ZNF628: variants seen among roughly 807,000 people sequenced by gnomAD.
The protein encoded by ZNF628 is zinc finger protein Zec.
ZNF628 carries 3 observed loss-of-function variants against 2.5 expected under a neutral mutation model. That is an observed-to-expected ratio of 1.19 (90% CI 0.54 to 3.07). ZNF628 has a LOEUF of 3.07. Among genes scored for constraint, ZNF628 ranks in the 30% most tolerant of loss-of-function variants. The pLI is 0.03. For synonymous variants in ZNF628, 861 were observed against 717.1 expected (o/e 1.20, Z -3.21); for missense variants, 1,610 against 1,517.1 (o/e 1.06, Z -1.02).
rs1986811791 is a variant in ZNF628, at chr19:55,483,542, G to A, written c.2349G>A (p.Gly783=). Reference sequence around the variant, plus strand: ...GGCTGCCAGGCCCTGGGGGTCTAGGGGTGCAGGGAGCGGCCAGCGCTGGGG... The same window carrying A: ...GGCTGCCAGGCCCTGGGGGTCTAGGAGTGCAGGGAGCGGCCAGCGCTGGGG... ...VVWLPGPGGL[G]VQGAASAGAS... The change falls in exon 3 of 3, where the codon GGG becomes GGA. Residue 783 remains glycine, a synonymous_variant. Transcript: ENST00000598519. 2 of 1,583,030 alleles carry A rather than the reference G, an allele frequency of 1.3e-6. No individual in the cohort carries two copies. The highest frequency in any genetic ancestry group is 2.7e-5 in the African/African-American group (2 of 74,680).
intron 2 of ZNF628, among the ~76,000 whole-genome samples, 199 bp downstream of exon 2, chr19:55,480,116 C>T (rs545582693): frequency 2.6e-5 from 4 of 151,956 alleles, no homozygotes; most frequent in African/African-American, 4.8e-5. Context: ...GGTGAAAGGG[C>T]GCGCTGGATG....
chr19:55,482,437 G>A lies in ZNF628; in HGVS notation c.1244G>A (p.Gly415Glu). 7.4e-7 allele frequency: 1 copy of A among 1,352,008 alleles called. No individual in the cohort carries two copies. The highest frequency in any genetic ancestry group is 9.5e-7 in the Non-Finnish European group (1 of 1,056,588). The allele number at this position is 1,352,008 out of a possible 1,614,324, so 83.8% of individuals were successfully genotyped here. A position where few individuals can be genotyped will look rare whatever the true frequency, so the allele number is the denominator to read the frequency against. ...QQCHVEEAAA[G>E]RPPPQAEAAE... ...TGCCACGTGGAAGAGGCCGCGGCCG[G>A]GCGCCCGCCCCCGCAGGCTGAGGCT... The change falls in exon 3 of 3, where the codon GGG becomes GAG. Residue 415 changes from glycine to glutamate, a missense_variant. By Grantham distance (98) the Gly-to-Glu change is moderately conservative. This residue lies in a region of ZNF628 where 651 missense variants were observed against 575.6 expected (regional missense o/e 1.13). Coordinates refer to ENST00000598519, the MANE Select transcript of ZNF628 (RefSeq NM_033113.3).
Position 55,479,548 on chromosome 19 carries a change from G to A in ZNF628, c.-77-286G>A, listed in dbSNP as rs1986648649. ...ACGGGCACTGGGTCAGGCCTGTGGG[G>A]AAGGATTGCGCAGGGTTTCTGGACC... On this transcript the variant is annotated intron_variant, in intron 1 of 2. Transcript: ENST00000598519. The surrounding 1 kb of genome is among the most constrained non-coding windows in gnomAD (Gnocchi z 5.1). Among the ~76,000 whole-genome samples the A allele has an allele frequency of 6.6e-6, 1 of 152,178 alleles. No individual in the cohort carries two copies. Among genetic ancestry groups the A allele is most frequent in the African/African-American group, 2.4e-5 (1 of 41,434 alleles).
chr19:55,482,992 C>G lies in ZNF628; in HGVS notation c.1799C>G (p.Pro600Arg). 1.2e-6 allele frequency: 2 copies of G among 1,611,852 alleles called. No individual in the cohort carries two copies. The highest frequency in any genetic ancestry group is 1.1e-5 in the South Asian group (1 of 91,036). ...CGGCCCTTCCGCTGCCCGCTCTGCC[C>G]CAAGACCTTCACCCACTCCTCCAAC... ...GERPFRCPLC[P>R]KTFTHSSNLL... Residue 600 changes from proline to arginine, a missense_variant, in exon 3 of 3, where the codon CCC (proline) becomes CGC (arginine). Around this residue, in one of 5 missense-constraint regions of ZNF628, gnomAD observed 21 missense variants for 49.8 expected, o/e 0.42. Coordinates refer to ENST00000598519, the MANE Select transcript of ZNF628 (RefSeq NM_033113.3).
rs1223526657 is a variant in ZNF628, at chr19:55,484,415, G to T, written c.*42G>T. 7.1e-7 allele frequency: 1 copy of T among 1,412,324 alleles called. No individual in the cohort carries two copies. Among genetic ancestry groups the T allele is most frequent in the South Asian group, 1.6e-5 (1 of 64,178 alleles). 87.5% of individuals were successfully genotyped at this position (1,412,324 alleles called of 1,614,324 possible). A position where few individuals can be genotyped will look rare whatever the true frequency, so the allele number is the denominator to read the frequency against. ...CCCTCCCGCCCCGCACAGAGACCCC[G>T]ACTCACTGCCAGCCGGGGCGGGGCA... On this transcript the variant is annotated 3_prime_UTR_variant, in exon 3 of 3. Coordinates refer to ENST00000598519, the MANE Select transcript of ZNF628 (RefSeq NM_033113.3).
intron 1 of ZNF628, among the ~76,000 whole-genome samples, chr19:55,477,316 T>C (rs1237117505): frequency 6.6e-6 from 1 of 151,898 alleles, no homozygotes; most frequent in East Asian, 1.9e-4. Context: ...CTGGGGCTTC[T>C]CAAAGGCACG....
rs1184257327 is a variant in ZNF628, at chr19:55,482,465, G to A, written c.1272G>A (p.Ala424=). The A allele has an allele frequency of 4.9e-6, 7 of 1,417,714 alleles. No homozygotes were observed. Among genetic ancestry groups the A allele is most frequent in the Non-Finnish European group, 6.4e-6 (7 of 1,093,196 alleles). The allele number at this position is 1,417,714 out of a possible 1,614,324, so 87.8% of individuals were successfully genotyped here. A position where few individuals can be genotyped will look rare whatever the true frequency, so the allele number is the denominator to read the frequency against. Reference sequence around the variant, plus strand: ...GCCCGCCCCCGCAGGCTGAGGCTGCGGAGGTGACCTGCCCCCAGGAACCGC... The same window carrying A: ...GCCCGCCCCCGCAGGCTGAGGCTGCAGAGGTGACCTGCCCCCAGGAACCGC... ...AGRPPPQAEA[A]EVTCPQEPLA... The change falls in exon 3 of 3, where the codon GCG becomes GCA. Residue 424 remains alanine, a synonymous_variant. Coordinates refer to ENST00000598519, the MANE Select transcript of ZNF628 (RefSeq NM_033113.3).
Position 55,483,748 on chromosome 19 carries a change from C to A in ZNF628, c.2555C>A (p.Thr852Asn). The A allele has an allele frequency of 6.2e-7, 1 of 1,612,848 alleles. No homozygotes were observed. Among genetic ancestry groups the A allele is most frequent in the Non-Finnish European group, 8.5e-7 (1 of 1,179,272 alleles). Reference protein sequence around the residue: ...TVQLQPAQEVTTVQLQPAQEV... With the variant: ...TVQLQPAQEVNTVQLQPAQEV... ...CAGCTCCAGCCAGCACAGGAAGTAA[C>A]CACGGTCCAGCTCCAGCCAGCACAG... The change falls in exon 3 of 3, where the codon ACC (threonine) becomes AAC (asparagine). Residue 852 changes from threonine to asparagine, a missense_variant. Transcript: ENST00000598519.
chr19:55,481,393 C>T lies in ZNF628; in HGVS notation c.200C>T (p.Pro67Leu). ...THTGERPYKC[P>L]DCPKAFKGSS... ...ACAGGCGAGCGGCCCTACAAGTGCC[C>T]AGACTGCCCCAAGGCTTTCAAAGGC... Residue 67 changes from proline to leucine, a missense_variant, in exon 3 of 3, where the codon CCA becomes CTA. Pro to Leu is a moderately conservative substitution (Grantham distance 98). Around this residue, in one of 5 missense-constraint regions of ZNF628, gnomAD observed 166 missense variants for 241.3 expected, o/e 0.69. Coordinates refer to ENST00000598519, the MANE Select transcript of ZNF628 (RefSeq NM_033113.3). 6.2e-7 allele frequency: 1 copy of T among 1,612,576 alleles called. No homozygotes were observed. Among genetic ancestry groups the T allele is most frequent in the Non-Finnish European group, 8.5e-7 (1 of 1,179,560 alleles).
Position 55,484,429 on chromosome 19 carries a change from C to A in ZNF628, c.*56C>A. 7.2e-7 allele frequency: 1 copy of A among 1,386,978 alleles called. No individual in the cohort carries two copies. Among genetic ancestry groups the A allele is most frequent in the Non-Finnish European group, 9.5e-7 (1 of 1,057,386 alleles). 85.9% of individuals were successfully genotyped at this position (1,386,978 alleles called of 1,614,324 possible). A position where few individuals can be genotyped will look rare whatever the true frequency, so the allele number is the denominator to read the frequency against. ...ACAGAGACCCCGACTCACTGCCAGC[C>A]GGGGCGGGGCAGGGTGCCGCAGGCT... is the stretch of plus-strand genomic sequence containing the variant. On this transcript the variant is annotated 3_prime_UTR_variant, in exon 3 of 3. Coordinates refer to ENST00000598519, the MANE Select transcript of ZNF628 (RefSeq NM_033113.3).
chr19:55,480,249 CTTT>C (rs35704154), intron 2 of ZNF628, among the ~76,000 whole-genome samples: 2 of 128,218 alleles, frequency 1.6e-5, no homozygotes. Flanking sequence ...TTTTTTTTTC[CTTT>C]TTTTTTTTTT....
At chr19:55,480,008 G>A in intron 2 of ZNF628, 91 bp downstream of exon 2, 1 of 398,452 alleles carries the variant, frequency 2.5e-6, no homozygotes. Context: ...TGGGCTTGAA[G>A]GGAAAGTGAG....
At position 55,484,087 on chromosome 19, in the gene ZNF628, C is replaced by T; in HGVS notation, c.2894C>T (p.Pro965Leu). 2 of 1,592,710 alleles carry T rather than the reference C, an allele frequency of 1.3e-6. No homozygotes were observed. Among genetic ancestry groups the T allele is most frequent in the Non-Finnish European group, 1.7e-6 (2 of 1,171,208 alleles). The part of the protein sequence containing the change: ...ETLPPGLTEP[P>L]ATGPPGQKLL... ...CTTCCTCCTGGGCTGACGGAGCCGC[C>T]TGCCACCGGCCCACCCGGACAGAAA... Residue 965 changes from proline to leucine, a missense_variant, in exon 3 of 3, where the codon CCT (proline) becomes CTT (leucine). Coordinates refer to ENST00000598519, the MANE Select transcript of ZNF628 (RefSeq NM_033113.3).
chr19:55,483,985 A>C lies in ZNF628; in HGVS notation c.2792A>C (p.Glu931Ala). The change falls in exon 3 of 3, where the codon GAG becomes GCG. Residue 931 changes from glutamate (E) to alanine (A), a missense_variant. Around this residue, in one of 5 missense-constraint regions of ZNF628, gnomAD observed 712 missense variants for 603.6 expected, o/e 1.18. Transcript: ENST00000598519. ...DVLFETLQTD[E>A]GLQSVLVLSG... The stretch of plus-strand genomic sequence containing the variant: ...CTCTTTGAGACACTCCAGACGGACG[A>C]GGGCTTGCAGAGCGTGCTGGTGCTG... 3 of 1,579,684 alleles carry C rather than the reference A, an allele frequency of 1.9e-6. No individual in the cohort carries two copies. In the East Asian group the frequency reaches 6.8e-5, roughly 36 times the overall value.
In ZNF628 at chr19:55,482,006, G is replaced by A. The variant is rs1311663361; in HGVS notation, c.813G>A (p.Pro271=). The A allele has an allele frequency of 9.5e-6, 11 of 1,157,596 alleles. No homozygotes were observed. The highest frequency in any genetic ancestry group is 4.0e-5 in the African/African-American group (2 of 49,884). The allele number at this position is 1,157,596 out of a possible 1,614,324, so 71.7% of individuals were successfully genotyped here. A position where few individuals can be genotyped will look rare whatever the true frequency, so the allele number is the denominator to read the frequency against. The change falls in exon 3 of 3, where the codon CCG becomes CCA. Residue 271 remains proline, a synonymous_variant. Coordinates refer to ENST00000598519, the MANE Select transcript of ZNF628 (RefSeq NM_033113.3). The part of the protein sequence containing the change: ...QPHSPPAPPA[P]PPPPPPVVPE... ...ACAGCCCGCCCGCGCCTCCCGCCCC[G>A]CCGCCCCCGCCCCCGCCCGTGGTGC...
In ZNF628 at chr19:55,482,512, C is replaced by CCCCCCCCCCCCCCG; in HGVS notation, c.1319_1320insCCCCCCCCCCCCCG (p.Ser445GlyfsTer202). On this transcript the variant is annotated frameshift_variant, in exon 3 of 3. Coordinates refer to ENST00000598519, the MANE Select transcript of ZNF628 (RefSeq NM_033113.3). LOFTEE classifies it low-confidence loss of function (END_TRUNC). ...CCGCTGGCGCCTGCCGCCCCCGTCCCGCCGCCACCCCCGTCCGCCCCCGCT... is the reference window on the plus strand; with the variant it reads ...CCGCTGGCGCCTGCCGCCCCCGTCCCCCCCCCCCCCCCCGGCCGCCACCCCCGTCCGCCCCCGCT... 6.8e-7 allele frequency: 1 copy of CCCCCCCCCCCCCCG among 1,462,196 alleles called. No homozygotes were observed. The highest frequency in any genetic ancestry group is 9.0e-7 in the Non-Finnish European group (1 of 1,107,108). 90.6% of individuals were successfully genotyped at this position (1,462,196 alleles called of 1,614,324 possible).
rs766041551 is a variant in ZNF628, at chr19:55,483,552, G to A, written c.2359G>A (p.Ala787Thr). 2.5e-5 allele frequency: 40 copies of A among 1,588,994 alleles called. No individual in the cohort carries two copies. In the East Asian group the frequency reaches 7.2e-4, roughly 28 times the overall value. Residue 787 changes from alanine to threonine, a missense_variant, in exon 3 of 3, where the codon GCG becomes ACG. Ala to Thr is a moderately conservative substitution (Grantham distance 58). Transcript: ENST00000598519. ...PGPGGLGVQG[A>T]ASAGASGTGQ... ...CCCTGGGGGTCTAGGGGTGCAGGGA[G>A]CGGCCAGCGCTGGGGCCAGCGGGAC...
In ZNF628 at chr19:55,479,399, A is replaced by C. The variant is rs1050531158; in HGVS notation, c.-77-435A>C. Among the ~76,000 whole-genome samples the C allele has an allele frequency of 2.0e-5, 3 of 152,210 alleles. No individual in the cohort carries two copies. Among genetic ancestry groups the C allele is most frequent in the African/African-American group, 7.2e-5 (3 of 41,442 alleles). On this transcript the variant is annotated intron_variant, in intron 1 of 2. Transcript: ENST00000598519. This position sits in a 1 kb window ranked among gnomAD's most constrained non-coding sequence, Gnocchi z 5.1. ...AATGGAGAAACGAGTCTGCAGCTGG[A>C]CAGGGAAGTGGAGTGAAGAGCTTTT...
Position 55,482,270 on chromosome 19 carries a change from G to A in ZNF628, c.1077G>A (p.Leu359=). 1 of 1,470,174 alleles carries A rather than the reference G, an allele frequency of 6.8e-7. No individual in the cohort carries two copies. The highest frequency in any genetic ancestry group is 1.3e-5 in the South Asian group (1 of 78,126). 91.1% of individuals were successfully genotyped at this position (1,470,174 alleles called of 1,614,324 possible). Residue 359 remains leucine (L), a synonymous_variant, in exon 3 of 3, where the codon CTG becomes CTA. Transcript: ENST00000598519. ...AAAPAPGFAC[L]PCGKSFRTVA... ...CCCCCGCGCCTGGCTTTGCCTGTCT[G>A]CCCTGCGGCAAGTCCTTCCGGACGG...
Sources: gnomAD v4.1 joint callset for allele counts (sites outside exome capture counted in the v4.1 genomes callset) on GRCh38, gnomAD v4.1.1 for gene constraint, gnomAD v4.1.1 regional missense constraint, Gnocchi (gnomAD v3.1) non-coding constraint, MANE v1.5 for transcripts, NCBI Gene and HGNC (gene_info 2026-07-23, HGNC 2026-07-21) for gene names.